PRELID2: variants seen among roughly 807,000 people sequenced by gnomAD.
PRELID2 encodes the protein PRELI domain-containing protein 2.
PRELID2 carries 25 observed loss-of-function variants against 28.4 expected under a neutral mutation model. That is an observed-to-expected ratio of 0.88 (90% CI 0.64 to 1.23). PRELID2 has a LOEUF of 1.23. Ranked by LOEUF, PRELID2 falls within the 50% of genes most tolerant of loss-of-function variation. The pLI, the probability that PRELID2 is intolerant of heterozygous loss-of-function variation, is 0.00. For synonymous variants in PRELID2, 76 were observed against 71.6 expected (o/e 1.06, Z -0.31); for missense variants, 201 against 214.4 (o/e 0.94, Z 0.39).
At chr5:145,731,797 G>C (rs1431322757) in intron 1 of PRELID2, among the ~76,000 whole-genome samples, 4 of 152,172 alleles carry the variant, frequency 2.6e-5, no homozygotes, top group African/African-American at 9.7e-5. Context: ...CAGAATAGAG[G>C]ACTTCATGTC....
the PRELID2 span, among the ~76,000 whole-genome samples, chr5:145,346,737 G>A: frequency 5.3e-5 from 8 of 152,114 alleles, no homozygotes; most frequent in African/African-American, 1.9e-4. Flanking sequence ...CAGGTGATAT[G>A]TTTTAGTCTG....
chr5:145,565,239 C>A (rs568917405), intron 1 of PRELID2, among the ~76,000 whole-genome samples: 9 of 152,344 alleles, frequency 5.9e-5, no homozygotes, highest in Admixed American at 1.3e-4. Flanking sequence ...AAGCCTGTGT[C>A]CAGCAAAGGA....
chr5:145,340,880 C>T, the PRELID2 span, among the ~76,000 whole-genome samples: 1 of 150,760 alleles, frequency 6.6e-6, no homozygotes, highest in South Asian at 2.1e-4. Flanking sequence ...CTAACACTGC[C>T]ACCACTAGGG....
At chr5:145,604,037 T>C (rs963541875) in intron 1 of PRELID2, among the ~76,000 whole-genome samples, 1 of 152,122 alleles carries the variant, frequency 6.6e-6, no homozygotes, top group Non-Finnish European at 1.5e-5. Context: ...TGACACTATA[T>C]ATAAATATCT....
At chr5:145,820,049 A>T (rs1312826208) in intron 2 of PRELID2, 31 bp from the exon 3 acceptor site, 30 of 1,271,340 alleles carry the variant, frequency 2.4e-5, no homozygotes, top group Non-Finnish European at 3.3e-5. Flanking sequence ...CACAAAAAAA[A>T]ATTAAAGAAA....
chr5:145,807,951 C>A lies in PRELID2; in HGVS notation c.368+9943G>T, dbSNP rs113410867. ...TTATATGAACACAAACATCAAATGG[C>A]AAATGAGTATCTTTTGGAGGGCAGT... On this transcript the variant is annotated intron_variant, in intron 4 of 6. Coordinates refer to ENST00000683046, the MANE Select transcript of PRELID2 (RefSeq NM_205846.3). 5.9e-3 allele frequency among the ~76,000 whole-genome samples: 900 copies of A among 152,212 alleles called. 5 individuals are homozygous for A. Among genetic ancestry groups the A allele is most frequent in the African/African-American group, 0.021 (860 of 41,534 alleles).
chr5:145,436,749 G>C, the PRELID2 span, among the ~76,000 whole-genome samples: 2 of 152,066 alleles, frequency 1.3e-5, no homozygotes, highest in Non-Finnish European at 2.9e-5. Flanking sequence ...AGGCATAGAG[G>C]CTGGCTCACA....
chr5:145,604,704 G>A (rs1015733706), intron 1 of PRELID2, among the ~76,000 whole-genome samples: 2 of 146,696 alleles, frequency 1.4e-5, no homozygotes, highest in Non-Finnish European at 3.0e-5. Flanking sequence ...CAGTATATAA[G>A]CATTCTCTTA....
chr5:145,562,646 G>A (rs1752933886), intron 1 of PRELID2, among the ~76,000 whole-genome samples: 1 of 152,118 alleles, frequency 6.6e-6, no homozygotes, highest in Admixed American at 6.5e-5. Context: ...TGTTCTTTGT[G>A]GGAAAAGGTA....
At chr5:145,443,458 A>C in the PRELID2 span, among the ~76,000 whole-genome samples, 36,662 of 151,940 alleles carry the variant, frequency 0.24, 4,528 homozygotes, top group South Asian at 0.36. Context: ...TAGAACGCTC[A>C]ATTGGCCAAG....
At chr5:145,257,871 G>A in the PRELID2 span, among the ~76,000 whole-genome samples, 25 of 152,258 alleles carry the variant, frequency 1.6e-4, no homozygotes, top group African/African-American at 5.5e-4. Flanking sequence ...TGTTGGAGGT[G>A]GGGCCTGGCG....
chr5:145,816,373 C>A (rs540752260), intron 4 of PRELID2, among the ~76,000 whole-genome samples: 1 of 152,038 alleles, frequency 6.6e-6, no homozygotes, highest in African/African-American at 2.4e-5. Context: ...TGAGTCACCA[C>A]GCCCAGCCTG....
At chr5:145,740,950 A>G (rs1203919752) in intron 1 of PRELID2, among the ~76,000 whole-genome samples, 8 of 39,060 alleles carry the variant, frequency 2.0e-4, no homozygotes, top group East Asian at 1.3e-3. Context: ...ACATATATTT[A>G]TCTATAAATA....
At chr5:145,732,408 A>G (rs1413211845) in intron 1 of PRELID2, among the ~76,000 whole-genome samples, 1 of 152,216 alleles carries the variant, frequency 6.6e-6, no homozygotes, top group African/African-American at 2.4e-5. Context: ...TCACTAGCAC[A>G]GTGTTGTCCA....
the PRELID2 span, among the ~76,000 whole-genome samples, chr5:145,299,886 T>C: frequency 6.6e-6 from 1 of 152,082 alleles, no homozygotes; most frequent in African/African-American, 2.4e-5. Context: ...AAAATGAAAT[T>C]TGTATGGGAA....
chr5:145,793,045 G>A (rs1752498639), intron 5 of PRELID2, among the ~76,000 whole-genome samples: 1 of 152,156 alleles, frequency 6.6e-6, no homozygotes, highest in African/African-American at 2.4e-5. Flanking sequence ...CTGCCAAACG[G>A]AAATCCCAGT....
chr5:145,355,493 GTT>G, the PRELID2 span, among the ~76,000 whole-genome samples: 3 of 152,036 alleles, frequency 2.0e-5, no homozygotes, highest in African/African-American at 7.2e-5. Flanking sequence ...TATTAACTAA[GTT>G]TTTAAAATAT....
At chr5:145,480,727 C>T (rs1159753742) in intron 1 of PRELID2, among the ~76,000 whole-genome samples, 7 of 152,046 alleles carry the variant, frequency 4.6e-5, no homozygotes, top group Non-Finnish European at 2.9e-5. Flanking sequence ...TACTCAAAGC[C>T]TCCCTGAGAT....
the PRELID2 span, among the ~76,000 whole-genome samples, chr5:145,386,179 A>G: frequency 6.6e-5 from 10 of 152,190 alleles, no homozygotes; most frequent in East Asian, 1.9e-4. Context: ...GGCAGCAAGG[A>G]TAAGTGCAGA....
Sources: allele counts gnomAD v4.1 joint callset (sites outside exome capture counted in the v4.1 genomes callset), GRCh38; gene constraint gnomAD v4.1.1; transcripts MANE v1.5; gene names NCBI Gene and HGNC (gene_info 2026-07-23, HGNC 2026-07-21).